CPED1: variants seen among roughly 807,000 people sequenced by gnomAD.
The protein encoded by CPED1 is cadherin-like and PC-esterase domain-containing protein 1.
A neutral mutation model predicts 128.2 loss-of-function variants in CPED1; 114 were observed. The observed-to-expected ratio is 0.89, with a 90% confidence interval of 0.76 to 1.04. The LOEUF is 1.04. Ranked by LOEUF, CPED1 falls within the 50% of genes least tolerant of loss-of-function variation. CPED1 has a pLI of 0.00. For missense variants in CPED1, 1,211 were observed against 1,207.1 expected (o/e 1.00, Z -0.05); for synonymous variants, 462 against 426.7 (o/e 1.08, Z -1.02).
At chr7:121,203,810 G>T (rs80134957) in intron 16 of CPED1, among the ~76,000 whole-genome samples, 1,634 of 152,222 alleles carry the variant, frequency 0.011, 28 homozygotes, top group African/African-American at 0.037. Flanking sequence ...TTTTGTTTTG[G>T]TATTCAAGAG....
chr7:121,220,246 A>G (rs1797846842), intron 16 of CPED1, among the ~76,000 whole-genome samples: 1 of 152,052 alleles, frequency 6.6e-6, no homozygotes, highest in South Asian at 2.1e-4. Flanking sequence ...TTCCAAATTA[A>G]TGTGACTAAT....
chr7:121,207,552 GA>G (rs1420431795), intron 16 of CPED1, among the ~76,000 whole-genome samples: 9 of 151,884 alleles, frequency 5.9e-5, no homozygotes, highest in African/African-American at 2.2e-4. Flanking sequence ...TATTTCCAAG[GA>G]GGATATCCTT....
intron 2 of CPED1, among the ~76,000 whole-genome samples, chr7:121,009,793 G>A (rs2116793408): frequency 6.6e-6 from 1 of 152,244 alleles, no homozygotes; most frequent in East Asian, 1.9e-4. Context: ...CATTGGAGCA[G>A]GTGTTTGAAA....
chr7:121,155,152 A>G (rs920716582), intron 16 of CPED1, among the ~76,000 whole-genome samples: 1 of 152,216 alleles, frequency 6.6e-6, no homozygotes, highest in Non-Finnish European at 1.5e-5. Context: ...CTAGGAATCA[A>G]TCTAACTAAA....
intron 22 of CPED1, among the ~76,000 whole-genome samples, chr7:121,292,824 G>A (rs1312457021): frequency 1.3e-5 from 2 of 152,150 alleles, no homozygotes; most frequent in Non-Finnish European, 2.9e-5. Context: ...CCCAGGCCCT[G>A]TTTACCTGAG....
Position 121,223,229 on chromosome 7 carries a change from C to G in CPED1, c.2056-13485C>G, listed in dbSNP as rs184640281. 3.3e-5 allele frequency among the ~76,000 whole-genome samples: 5 copies of G among 152,216 alleles called. 1 individual carries two copies. Among genetic ancestry groups the G allele is most frequent in the African/African-American group, 1.2e-4 (5 of 41,532 alleles). ...TTGAAATAATCATATGTGTTTTTGTCATTGGTTCTGTTTATGTGATGGATT... is the reference window on the plus strand; with the variant it reads ...TTGAAATAATCATATGTGTTTTTGTGATTGGTTCTGTTTATGTGATGGATT... On this transcript the variant is annotated intron_variant, in intron 16 of 22. Coordinates refer to ENST00000310396, the MANE Select transcript of CPED1 (RefSeq NM_024913.5).
chr7:120,993,965 G>A, intron 2 of CPED1: 1 of 330,802 alleles, frequency 3.0e-6, no homozygotes. Flanking sequence ...GGGTCGTCCT[G>A]CAGGTGCAAA....
At chr7:121,020,313 T>C (rs1792407476) in intron 3 of CPED1, among the ~76,000 whole-genome samples, 1 of 152,120 alleles carries the variant, frequency 6.6e-6, no homozygotes, top group East Asian at 1.9e-4. Flanking sequence ...GTCCACTGGC[T>C]AAATCTGGCC....
intron 4 of CPED1, among the ~76,000 whole-genome samples, chr7:121,057,571 G>T (rs1171002274): frequency 6.6e-6 from 1 of 152,142 alleles, no homozygotes; most frequent in Non-Finnish European, 1.5e-5. Context: ...TAGGATAATG[G>T]CTTTACACTA....
At chr7:121,121,582 C>CT (rs1274078793) in intron 7 of CPED1, among the ~76,000 whole-genome samples, 1 of 152,102 alleles carries the variant, frequency 6.6e-6, no homozygotes, top group Non-Finnish European at 1.5e-5. Context: ...TACTGATTTC[C>CT]TTGCGAACTT....
chr7:121,125,926 C>G (rs1795492847), intron 9 of CPED1, 34 bp downstream of exon 9: 1 of 1,405,596 alleles, frequency 7.1e-7, no homozygotes, highest in Non-Finnish European at 1.0e-6. Context: ...TGAGCTTCTA[C>G]CTTGTGGTGA....
intron 22 of CPED1, among the ~76,000 whole-genome samples, chr7:121,291,593 A>C (rs1792703622): frequency 6.6e-6 from 1 of 151,588 alleles, no homozygotes. Flanking sequence ...ATGATTTAGC[A>C]CTCTGTTTGT....
intron 6 of CPED1, among the ~76,000 whole-genome samples, chr7:121,098,658 C>T (rs1190640648): frequency 2.7e-5 from 4 of 150,118 alleles, no homozygotes; most frequent in South Asian, 4.2e-4. Context: ...ACTGAGCCCT[C>T]GAAGTGGAGG....
At chr7:121,097,190 C>T (rs1330796535) in intron 5 of CPED1, among the ~76,000 whole-genome samples, 3 of 151,760 alleles carry the variant, frequency 2.0e-5, no homozygotes, top group Non-Finnish European at 4.4e-5. Context: ...TTTTATATAC[C>T]TTAAAATCCA....
At chr7:121,209,634 C>G (rs1000633056) in intron 16 of CPED1, among the ~76,000 whole-genome samples, 2 of 151,950 alleles carry the variant, frequency 1.3e-5, no homozygotes, top group African/African-American at 4.8e-5. Context: ...AAATCTAAGA[C>G]TCAAAACTAT....
chr7:121,028,240 T>C (rs563610026), intron 3 of CPED1, among the ~76,000 whole-genome samples: 1 of 152,170 alleles, frequency 6.6e-6, no homozygotes, highest in Non-Finnish European at 1.5e-5. Flanking sequence ...TTCCAGGTAA[T>C]GGTAATATGC....
chr7:121,030,705 T>A (rs1268187966), intron 3 of CPED1, among the ~76,000 whole-genome samples: 1 of 152,238 alleles, frequency 6.6e-6, no homozygotes, highest in African/African-American at 2.4e-5. Flanking sequence ...AATCTCTTAA[T>A]GTGCCTAATT....
At chr7:121,083,805 T>G (rs1259682748) in intron 5 of CPED1, 1 of 152,224 alleles carries the variant, frequency 6.6e-6, no homozygotes, top group Non-Finnish European at 1.5e-5. Flanking sequence ...TTCAGGGTGG[T>G]ATGGGACTGT....
intron 16 of CPED1, among the ~76,000 whole-genome samples, chr7:121,142,345 C>T (rs144345031): frequency 6.6e-6 from 1 of 151,938 alleles, no homozygotes; most frequent in African/African-American, 2.4e-5. Flanking sequence ...TGGCTACTGT[C>T]TGTGCTCATT....
Sources: gnomAD v4.1 joint callset for allele counts (sites outside exome capture counted in the v4.1 genomes callset) on GRCh38, gnomAD v4.1.1 for gene constraint, MANE v1.5 for transcripts, NCBI Gene and HGNC (gene_info 2026-07-23, HGNC 2026-07-21) for gene names.